The following POM121 variants were observed in gnomAD, a reference collection of about 807,000 sequenced individuals.
POM121 encodes the protein nuclear envelope pore membrane protein POM 121.
Under a neutral mutation model 81.3 loss-of-function variants are expected in POM121, and 32 were observed. The observed-to-expected ratio is 0.39, with a 90% CI of 0.30 to 0.53. POM121 has a LOEUF of 0.53. Ranked by LOEUF, POM121 falls within the 20% of genes least tolerant of loss-of-function variation. The probability of loss-of-function intolerance (pLI) is 0.66; values close to 1 mark genes in which losing one functional copy is unlikely to be tolerated. For synonymous variants in POM121, 514 were observed against 694.2 expected, an observed-to-expected ratio of 0.74 and a Z score of 4.08; for missense variants, 1,138 against 1,614.6, an observed-to-expected ratio of 0.70 and a Z score of 5.06.
exon 1 of POM121, chr7:72,879,759 T>G: frequency 2.1e-6 from 1 of 485,446 alleles, no homozygotes. Context: ...CCCGGGCCCC[T>G]CGGGAGCAGA....
chr7:72,918,542 C>T lies in POM121; in HGVS notation c.-152+4714C>T, dbSNP rs551264453. ...ATATTGGAATAAAGAGTAATTGCTA[C>T]AAACTAATGATTAATGATATTCATA... is the stretch of plus-strand genomic sequence containing the variant. On this transcript the variant is annotated intron_variant, in intron 4 of 15. Coordinates refer to the POM121 transcript ENST00000395270. Among the ~76,000 whole-genome samples the T allele has an allele frequency of 3.2e-4, 48 of 152,140 alleles. No individual in the cohort carries two copies. In the South Asian group the frequency reaches 9.8e-3, roughly 31 times the overall value.
At chr7:72,929,906 C>T in intron 4 of POM121, 34 bp from the exon 5 acceptor site, 1 of 1,527,746 alleles carries the variant, frequency 6.5e-7, no homozygotes, top group Non-Finnish European at 8.8e-7. Flanking sequence ...ATTTTGCCTT[C>T]AATAAAGCAT....
intron 1 of POM121, among the ~76,000 whole-genome samples, chr7:72,890,316 T>G (rs1267770913): frequency 6.6e-6 from 1 of 152,184 alleles, no homozygotes; most frequent in Admixed American, 6.5e-5. Context: ...ATGCTTGTGT[T>G]TGTTTACATG....
At position 72,925,555 on chromosome 7, in the gene POM121, G is replaced by A. The variant is rs1554497077; in HGVS notation, c.434G>A (p.Gly145Glu). Residue 145 changes from glycine (G) to glutamate (E), a missense_variant, in exon 1 of 13, where the codon GGG becomes GAG. Coordinates refer to ENST00000434423, the MANE Select transcript of POM121 (RefSeq NM_001387691.1). ...ATGGGCAGTTACCTGGGCAAGCCCG[G>A]GCCGCCGCAGCCCGCCGCCGCTCCG... ...LLMGSYLGKP[G>E]PPQPAAAPEG... 10 of 1,532,280 alleles carry A rather than the reference G, an allele frequency of 6.5e-6. No homozygotes were observed. Among genetic ancestry groups the A allele is most frequent in the Non-Finnish European group, 7.9e-6 (9 of 1,145,998 alleles). 94.9% of individuals were successfully genotyped at this position (1,532,280 alleles called of 1,614,324 possible). A position where few individuals can be genotyped will look rare whatever the true frequency, so the allele number is the denominator to read the frequency against.
chr7:72,920,162 A>G (rs2129577086), upstream of POM121, among the ~76,000 whole-genome samples: 2 of 152,246 alleles, frequency 1.3e-5, 1 homozygote, highest in South Asian at 4.1e-4. Flanking sequence ...GATATAGTTA[A>G]AATTAATGTT....
downstream of POM121, chr7:72,948,914 G>A: frequency 6.2e-7 from 1 of 1,612,472 alleles, no homozygotes; most frequent in East Asian, 2.2e-5. Flanking sequence ...GGGTTCTGCT[G>A]CAGCGCATCT....
At chr7:72,888,748 A>G (rs1790997154) in intron 1 of POM121, among the ~76,000 whole-genome samples, 1 of 152,076 alleles carries the variant, frequency 6.6e-6, no homozygotes, top group Non-Finnish European at 1.5e-5. Flanking sequence ...ATTGAAATAC[A>G]TATGTCACAT....
chr7:72,883,661 G>T (rs1362586755), intron 1 of POM121, among the ~76,000 whole-genome samples: 8 of 151,442 alleles, frequency 5.3e-5, no homozygotes, highest in Non-Finnish European at 1.2e-4. Flanking sequence ...TATCTTGTAT[G>T]CCTTGGTAAA....
chr7:72,882,015 A>T (rs1186964741), intron 1 of POM121, among the ~76,000 whole-genome samples: 1 of 152,140 alleles, frequency 6.6e-6, no homozygotes. Context: ...ACCAAAAATG[A>T]TTTGTGAAGC....
chr7:72,881,842 G>T (rs1465277306), intron 1 of POM121, among the ~76,000 whole-genome samples: 1 of 152,124 alleles, frequency 6.6e-6, no homozygotes, highest in African/African-American at 2.4e-5. Context: ...TGTTGGCCAG[G>T]CTGGTCTCAA....
chr7:72,949,377 G>C (rs56210322), downstream of POM121: 10 of 909,306 alleles, frequency 1.1e-5, no homozygotes, highest in Non-Finnish European at 1.9e-5. Context: ...GATCTAAGGG[G>C]GAGACCGCCA....
intron 1 of POM121, 122 bp from the exon 2 acceptor site, chr7:72,926,140 G>A: frequency 9.4e-7 from 1 of 1,061,158 alleles, no homozygotes; most frequent in East Asian, 2.6e-5. Context: ...ACCGTGTTCT[G>A]TGTTGCTTAG....
chr7:72,894,681 G>GAGAGAGAGAGAGAGAT (rs1210955228), intron 3 of POM121, among the ~76,000 whole-genome samples: 1 of 136,754 alleles, frequency 7.3e-6, no homozygotes, highest in Admixed American at 7.9e-5. Context: ...GAGAGAGAGA[G>GAGAGAGAGAGAGAGAT]ATCTCCGTCC....
chr7:72,896,464 T>A (rs1296501673), intron 3 of POM121, among the ~76,000 whole-genome samples: 3 of 142,022 alleles, frequency 2.1e-5, no homozygotes, highest in Non-Finnish European at 4.6e-5. Context: ...CCAGCCTGGG[T>A]GACAGGGTGA....
Position 72,942,830 on chromosome 7 carries a change from C to T in POM121, c.2837C>T (p.Pro946Leu). 3.2e-6 allele frequency: 5 copies of T among 1,559,958 alleles called. No individual in the cohort carries two copies. In the South Asian group the frequency reaches 4.8e-5, roughly 15 times the overall value. Reference protein sequence around the residue: ...PTLTFSNTSTPTFNIPFGSSA... With the variant: ...PTLTFSNTSTLTFNIPFGSSA... ...CTGACGTTCAGTAACACGAGCACCC[C>T]CACGTTCAACATTCCCTTTGGCTCA... is the stretch of plus-strand genomic sequence containing the variant. The change falls in exon 11 of 13, where the codon CCC becomes CTC. Residue 946 changes from proline to leucine, a missense_variant. Coordinates refer to ENST00000434423, the MANE Select transcript of POM121 (RefSeq NM_001387691.1).
chr7:72,928,489 A>G (rs782089483), intron 4 of POM121, 24 bp downstream of exon 4: 9 of 1,608,304 alleles, frequency 5.6e-6, no homozygotes, highest in Non-Finnish European at 7.7e-6. Flanking sequence ...CATCCGGATG[A>G]AATACCAACT....
At chr7:72,888,605 T>C (rs1179672200) in intron 1 of POM121, among the ~76,000 whole-genome samples, 2 of 152,162 alleles carry the variant, frequency 1.3e-5, no homozygotes, top group Non-Finnish European at 2.9e-5. Context: ...TTGATCTTAG[T>C]GGGAAGATAT....
In POM121 at chr7:72,926,277, A is replaced by T; in HGVS notation, c.660A>T (p.Leu220Phe). 6.4e-7 allele frequency: 1 copy of T among 1,562,346 alleles called. No individual in the cohort carries two copies. Among genetic ancestry groups the T allele is most frequent in the Admixed American group, 1.9e-5 (1 of 51,682 alleles). The change falls in exon 2 of 13, where the codon TTA becomes TTT. Residue 220 changes from leucine (L) to phenylalanine (F), a missense_variant. By Grantham distance (22) the Leu-to-Phe change is conservative. Coordinates refer to ENST00000434423, the MANE Select transcript of POM121 (RefSeq NM_001387691.1). ...RRPSPRDCGT[L>F]PNRFVITPRR... ...TTCTCTGCAGGGATTGTGGGACTTT[A>T]CCAAATCGGTTTGTAATAACACCTA... is the stretch of plus-strand genomic sequence containing the variant.
At chr7:72,906,202 T>A (rs1237003044) in intron 3 of POM121, among the ~76,000 whole-genome samples, 1 of 152,188 alleles carries the variant, frequency 6.6e-6, no homozygotes, top group African/African-American at 2.4e-5. Flanking sequence ...GAGGATTTTG[T>A]CTCTTTAATA....
Sources: gnomAD v4.1 joint callset for allele counts (sites outside exome capture counted in the v4.1 genomes callset) on GRCh38, gnomAD v4.1.1 for gene constraint, MANE v1.5 for transcripts, NCBI Gene and HGNC (gene_info 2026-07-23, HGNC 2026-07-21) for gene names.